The following WDR20 variants were observed in gnomAD, a reference collection of about 807,000 sequenced individuals.
WDR20 encodes WD repeat-containing protein 20.
WDR20 carries 3 observed loss-of-function variants against 38.7 expected under a neutral mutation model. That is an observed-to-expected ratio of 0.08 (90% CI 0.04 to 0.20). WDR20 has a LOEUF of 0.20. WDR20 is among the 10% of genes least tolerant of loss of function. The probability of loss-of-function intolerance (pLI) is 1.00; values close to 1 mark genes in which losing one functional copy is unlikely to be tolerated. For synonymous variants in WDR20, 298 were observed against 285.6 expected, an observed-to-expected ratio of 1.04 and a Z score of -0.44; for missense variants, 559 against 727.7, an observed-to-expected ratio of 0.77 and a Z score of 2.67.
intron 1 of WDR20, among the ~76,000 whole-genome samples, chr14:102,164,720 C>T (rs1424596074): frequency 6.6e-6 from 1 of 152,128 alleles, no homozygotes; most frequent in African/African-American, 2.4e-5. Flanking sequence ...ACATTTTTGA[C>T]CCACTCAGTA....
At chr14:102,167,887 G>C (rs1157572025) in intron 1 of WDR20, among the ~76,000 whole-genome samples, 2 of 152,162 alleles carry the variant, frequency 1.3e-5, no homozygotes, top group Non-Finnish European at 2.9e-5. Flanking sequence ...ATAAATATTT[G>C]AATGAATGGA....
intron 1 of WDR20, among the ~76,000 whole-genome samples, chr14:102,150,641 A>G (rs912611052): frequency 1.3e-5 from 2 of 152,148 alleles, no homozygotes; most frequent in African/African-American, 4.8e-5. Flanking sequence ...ACAGGTGCTC[A>G]TTCTCTTTAC....
intron 1 of WDR20, among the ~76,000 whole-genome samples, chr14:102,173,312 C>T (rs1444271077): frequency 6.6e-6 from 1 of 151,326 alleles, no homozygotes; most frequent in Non-Finnish European, 1.5e-5. Flanking sequence ...TGAGGTCTCA[C>T]CATGTTGCCC....
chr14:102,201,343 A>C (rs2060347743), intron 2 of WDR20, among the ~76,000 whole-genome samples: 1 of 152,036 alleles, frequency 6.6e-6, no homozygotes. Context: ...CTAATTTTTG[A>C]TTTTTGCTTA....
intron 1 of WDR20, among the ~76,000 whole-genome samples, chr14:102,149,074 A>C (rs536551836): frequency 6.6e-6 from 1 of 152,102 alleles, no homozygotes; most frequent in African/African-American, 2.4e-5. Context: ...GAGGCAGGAG[A>C]ATACTTGAAC....
Position 102,178,619 on chromosome 14 carries a change from T to C in WDR20, c.250-16319T>C, listed in dbSNP as rs77240837. The stretch of plus-strand genomic sequence containing the variant: ...TGCATCAGGAACTGTGAGAGCAGGC[T>C]CAGCAATCTGTGGTGTAACTAGCAT... On this transcript the variant is annotated intron_variant, in intron 1 of 2. Transcript: ENST00000342702. Among the ~76,000 whole-genome samples the C allele has an allele frequency of 4.6e-3, 692 of 151,972 alleles. 6 individuals carry two copies. Among genetic ancestry groups the C allele is most frequent in the African/African-American group, 0.015 (642 of 41,446 alleles).
chr14:102,156,602 G>T (rs1037255731), intron 1 of WDR20, among the ~76,000 whole-genome samples: 4 of 151,198 alleles, frequency 2.6e-5, no homozygotes, highest in African/African-American at 9.7e-5. Flanking sequence ...TTGACTTCCT[G>T]GGCTCAAGTG....
At chr14:102,213,852 G>A, downstream of WDR20, 1 of 985,446 alleles carries the variant, frequency 1.0e-6, no homozygotes, top group South Asian at 4.7e-5. Flanking sequence ...GTTGGGGGCG[G>A]CTGGAGAAGG....
At chr14:102,219,330 G>C (rs1193257926), downstream of WDR20, among the ~76,000 whole-genome samples, 1 of 152,254 alleles carries the variant, frequency 6.6e-6, no homozygotes, top group Non-Finnish European at 1.5e-5. Context: ...AAGATGAAGG[G>C]TCCAGTGACT....
chr14:102,212,848 T>G, downstream of WDR20: 1 of 1,279,066 alleles, frequency 7.8e-7, no homozygotes, highest in South Asian at 2.0e-5. Context: ...AACGTTATTA[T>G]GAGCAAGAAT....
chr14:102,190,508 A>G (rs1477873177), intron 1 of WDR20, among the ~76,000 whole-genome samples: 1 of 152,046 alleles, frequency 6.6e-6, no homozygotes, highest in Non-Finnish European at 1.5e-5. Context: ...CAAGAGAAAC[A>G]CTTGAACCCG....
chr14:102,224,197 A>G (rs1026514485), downstream of WDR20, among the ~76,000 whole-genome samples: 1 of 151,636 alleles, frequency 6.6e-6, no homozygotes, highest in African/African-American at 2.4e-5. Flanking sequence ...GCCCGCCACC[A>G]CGCCCGGCTA....
At chr14:102,173,369 C>G (rs1272095007) in intron 1 of WDR20, among the ~76,000 whole-genome samples, 1 of 151,586 alleles carries the variant, frequency 6.6e-6, no homozygotes, top group Non-Finnish European at 1.5e-5. Context: ...CCACCTTGGC[C>G]TCCCAAAGTG....
chr14:102,218,145 C>T (rs1468812395), downstream of WDR20, among the ~76,000 whole-genome samples: 2 of 152,332 alleles, frequency 1.3e-5, no homozygotes, highest in East Asian at 3.9e-4. Flanking sequence ...CGCGTGCCTG[C>T]CATGAAACGG....
In WDR20 at chr14:102,207,536, G is replaced by A. The variant is rs763248375; in HGVS notation, c.433-1067G>A. Reference sequence around the variant, plus strand: ...AAGCGGTGGTGTTCAACTTACCTGGGGCTGCTGGGCTCCTAAAGGGACACT... The same window carrying A: ...AAGCGGTGGTGTTCAACTTACCTGGAGCTGCTGGGCTCCTAAAGGGACACT... On this transcript the variant is annotated intron_variant, in intron 2 of 2. Transcript: ENST00000342702. This position sits in a 1 kb window ranked among gnomAD's most constrained non-coding sequence, Gnocchi z 5.0. Among the ~76,000 whole-genome samples the A allele has an allele frequency of 1.7e-4, 26 of 152,164 alleles. No individual in the cohort carries two copies. Among genetic ancestry groups the A allele is most frequent in the Non-Finnish European group, 2.5e-4 (17 of 68,032 alleles).
downstream of WDR20, among the ~76,000 whole-genome samples, chr14:102,211,767 G>A (rs1383902410): frequency 2.0e-5 from 3 of 152,216 alleles, no homozygotes; most frequent in African/African-American, 7.2e-5. This position sits in a 1 kb window ranked among gnomAD's most constrained non-coding sequence, Gnocchi z 4.2. Flanking sequence ...CACCTACATA[G>A]TTGTAAACGT....
In WDR20 at chr14:102,220,143, G is replaced by A. The variant is rs1376744631; in HGVS notation, c.1693-2687G>A. Among the ~76,000 whole-genome samples, 2 of 152,224 alleles carry A rather than the reference G, an allele frequency of 1.3e-5. No individual in the cohort carries two copies. Among genetic ancestry groups the A allele is most frequent in the Non-Finnish European group, 2.9e-5 (2 of 68,030 alleles). ...CTCAACATCAGGCTCTGGCAGCCTG[G>A]TGGCTGCGCCACCTCTGCGTCTCAG... On this transcript the variant is annotated intron_variant, in intron 3 of 3. Coordinates refer to the WDR20 transcript ENST00000335263. The surrounding 1 kb of genome is among the most constrained non-coding windows in gnomAD (Gnocchi z 4.2).
intron 1 of WDR20, among the ~76,000 whole-genome samples, chr14:102,156,393 C>A (rs573858218): frequency 1.3e-5 from 2 of 151,912 alleles, no homozygotes; most frequent in Non-Finnish European, 2.9e-5. Flanking sequence ...TGGTCTCGAT[C>A]TCCTGACCTC....
At chr14:102,172,224 G>T (rs2060986113) in intron 1 of WDR20, among the ~76,000 whole-genome samples, 1 of 143,724 alleles carries the variant, frequency 7.0e-6, no homozygotes, top group East Asian at 1.9e-4. Context: ...GGGTTGGGGG[G>T]TAAGGTCACA....
Sources: allele counts gnomAD v4.1 joint callset (sites outside exome capture counted in the v4.1 genomes callset), GRCh38; gene constraint gnomAD v4.1.1; non-coding constraint Gnocchi (gnomAD v3.1); transcripts MANE v1.5; gene names NCBI Gene and HGNC (gene_info 2026-07-23, HGNC 2026-07-21).